The following CTXND1 variants were observed in gnomAD, a reference collection of about 807,000 sequenced individuals.
CTXND1 encodes the protein cortexin domain-containing 1 protein.
chr15:80,224,255 C>T (rs1893349983), intron 1 of CTXND1, among the ~76,000 whole-genome samples: 1 of 152,196 alleles, frequency 6.6e-6, no homozygotes, highest in Non-Finnish European at 1.5e-5. Context: ...CGACTGCAAT[C>T]AGCTGAGAGA....
At chr15:80,226,832 T>G (rs1893377552) in intron 1 of CTXND1, among the ~76,000 whole-genome samples, 1 of 152,236 alleles carries the variant, frequency 6.6e-6, no homozygotes, top group Non-Finnish European at 1.5e-5. Context: ...TGCCCTGACT[T>G]GTTTTCCATG....
chr15:80,229,166 A>AT (rs1430799399), intron 1 of CTXND1, among the ~76,000 whole-genome samples: 1 of 152,078 alleles, frequency 6.6e-6, no homozygotes, highest in African/African-American at 2.4e-5. Flanking sequence ...GCCACCTGAT[A>AT]TCCCCACTCA....
intron 1 of CTXND1, among the ~76,000 whole-genome samples, chr15:80,251,380 C>G (rs115018402): frequency 2.6e-5 from 4 of 152,278 alleles, no homozygotes; most frequent in African/African-American, 9.6e-5. Flanking sequence ...AGAACAAAAT[C>G]CAACGGAGAC....
At chr15:80,247,215 T>A (rs558934843) in intron 1 of CTXND1, among the ~76,000 whole-genome samples, 65 of 152,312 alleles carry the variant, frequency 4.3e-4, no homozygotes, top group African/African-American at 1.4e-3. Flanking sequence ...TGAATCCAAC[T>A]GCTAAGGTGT....
chr15:80,214,087 G>A (rs1359947421), intron 1 of CTXND1, among the ~76,000 whole-genome samples: 2 of 151,916 alleles, frequency 1.3e-5, no homozygotes, highest in Non-Finnish European at 2.9e-5. Context: ...ATTACCTATA[G>A]TAAGAGCTTT....
At chr15:80,243,061 C>G (rs2141464941) in intron 1 of CTXND1, among the ~76,000 whole-genome samples, 1 of 152,300 alleles carries the variant, frequency 6.6e-6, no homozygotes, top group Middle Eastern at 3.4e-3. Context: ...CCTCTGATTC[C>G]TTTGAACTAC....
intron 1 of CTXND1, among the ~76,000 whole-genome samples, chr15:80,232,548 C>T (rs532992551): frequency 6.6e-6 from 1 of 152,292 alleles, no homozygotes; most frequent in African/African-American, 2.4e-5. Context: ...CATGCATGAG[C>T]AGGAGAGTCG....
At position 80,198,318 on chromosome 15, in the gene CTXND1, C is replaced by T. The variant is rs2041430720; in HGVS notation, c.*3452G>A. Reference sequence around the variant, plus strand: ...GCACCATTGCCTGGAAAACCCACCACCCATTCTCTGCTTTGGAGAGTTCCT... The same window carrying T: ...GCACCATTGCCTGGAAAACCCACCATCCATTCTCTGCTTTGGAGAGTTCCT... On this transcript the variant is annotated 3_prime_UTR_variant, in exon 3 of 3. Coordinates refer to ENST00000560778, the MANE Select transcript of CTXND1 (RefSeq NM_001352888.2). 1 of 152,300 alleles carries T rather than the reference C, an allele frequency of 6.6e-6. No individual in the cohort carries two copies. Among genetic ancestry groups the T allele is most frequent in the South Asian group, 2.1e-4 (1 of 4,824 alleles). 9.4% of individuals were successfully genotyped at this position (152,300 alleles called of 1,614,324 possible). A position where few individuals can be genotyped will look rare whatever the true frequency, so the allele number is the denominator to read the frequency against.
At chr15:80,220,911 T>TA (rs1491579236) in intron 1 of CTXND1, among the ~76,000 whole-genome samples, 1 of 139,366 alleles carries the variant, frequency 7.2e-6, no homozygotes, top group Non-Finnish European at 1.6e-5. Context: ...TTATTATTAT[T>TA]ATTTTTTTTT....
intron 1 of CTXND1, among the ~76,000 whole-genome samples, chr15:80,248,116 C>T (rs959450399): frequency 2.0e-5 from 3 of 152,212 alleles, no homozygotes; most frequent in African/African-American, 7.2e-5. Context: ...TGGCTCTTCC[C>T]GTGCATGGGC....
In CTXND1 at chr15:80,201,592, A is replaced by G. The variant is rs887564277; in HGVS notation, c.*178T>C. 2.5e-6 allele frequency: 1 copy of G among 393,510 alleles called. No individual in the cohort carries two copies. Among genetic ancestry groups the G allele is most frequent in the African/African-American group, 2.1e-5 (1 of 48,532 alleles). The allele number at this position is 393,510 out of a possible 1,614,324, so 24.4% of individuals were successfully genotyped here. On this transcript the variant is annotated 3_prime_UTR_variant, in exon 3 of 3. Coordinates refer to ENST00000560778, the MANE Select transcript of CTXND1 (RefSeq NM_001352888.2). The stretch of plus-strand genomic sequence containing the variant: ...GTTGCGACACCCACGGCACCCGGGC[A>G]TTCCACGCTGGTGCTCGAGGGAGGG...
At chr15:80,207,838 T>C (rs1266203467) in intron 1 of CTXND1, among the ~76,000 whole-genome samples, 1 of 152,214 alleles carries the variant, frequency 6.6e-6, no homozygotes, top group East Asian at 1.9e-4. Flanking sequence ...CACTGTAGGG[T>C]TCCAAGTTGA....
At chr15:80,229,730 C>A (rs1283245244) in intron 1 of CTXND1, among the ~76,000 whole-genome samples, 1 of 152,172 alleles carries the variant, frequency 6.6e-6, no homozygotes, top group African/African-American at 2.4e-5. Context: ...TAGTCAAAAG[C>A]TGAAAAAGCC....
intron 2 of CTXND1, among the ~76,000 whole-genome samples, chr15:80,202,304 G>T (rs146682966): frequency 1.7e-3 from 265 of 152,144 alleles, no homozygotes; most frequent in Non-Finnish European, 3.2e-3. Context: ...CTAGGGTGGG[G>T]CTGAGGGTTG....
chr15:80,219,318 C>T (rs147369091), intron 1 of CTXND1, among the ~76,000 whole-genome samples: 1 of 152,088 alleles, frequency 6.6e-6, no homozygotes, highest in African/African-American at 2.4e-5. Context: ...TTTCATTCAA[C>T]TCGATGACTT....
chr15:80,233,270 C>T (rs763800305), intron 1 of CTXND1, among the ~76,000 whole-genome samples: 50 of 152,186 alleles, frequency 3.3e-4, no homozygotes, highest in Non-Finnish European at 2.2e-4. Context: ...TGTTTCCTTA[C>T]CTTTAAAATG....
intron 1 of CTXND1, among the ~76,000 whole-genome samples, chr15:80,228,877 C>T (rs1190900618): frequency 6.6e-6 from 1 of 152,070 alleles, no homozygotes; most frequent in Non-Finnish European, 1.5e-5. Flanking sequence ...ATCCACCTGC[C>T]TCGGCCCCCG....
intron 1 of CTXND1, among the ~76,000 whole-genome samples, chr15:80,244,757 G>A (rs1893609224): frequency 6.6e-6 from 1 of 152,176 alleles, no homozygotes; most frequent in African/African-American, 2.4e-5. Context: ...GCTGGTCTGT[G>A]ACCCTGTGGG....
intron 1 of CTXND1, among the ~76,000 whole-genome samples, chr15:80,234,473 G>A (rs541567823): frequency 2.3e-5 from 3 of 129,332 alleles, no homozygotes; most frequent in Admixed American, 8.1e-5. Context: ...ATTTGAACAT[G>A]CCCTTTTTTT....
Sources: allele counts gnomAD v4.1 joint callset (sites outside exome capture counted in the v4.1 genomes callset), GRCh38; gene constraint gnomAD v4.1.1; transcripts MANE v1.5; gene names NCBI Gene and HGNC (gene_info 2026-07-23, HGNC 2026-07-21).